SHTN1: variants seen among roughly 807,000 people sequenced by gnomAD.
SHTN1 encodes shootin-1.
Under a neutral mutation model 83.1 loss-of-function variants are expected in SHTN1, and 42 were observed. That is an observed-to-expected ratio of 0.51 (90% CI 0.39 to 0.65). The LOEUF (loss-of-function observed/expected upper bound fraction) is 0.65. Ranked by LOEUF, SHTN1 falls within the 30% of genes least tolerant of loss-of-function variation. The pLI is 0.00. For synonymous variants in SHTN1, 224 were observed against 247.7 expected (o/e 0.90, Z 0.90); for missense variants, 622 against 737.8 (o/e 0.84, Z 1.82).
upstream of SHTN1, among the ~76,000 whole-genome samples, chr10:117,010,444 C>T (rs1852087398): frequency 1.3e-5 from 2 of 151,940 alleles, no homozygotes; most frequent in South Asian, 4.2e-4. Flanking sequence ...AAGAAAGACA[C>T]CCTTCAATGA....
At chr10:116,973,960 T>G in intron 2 of SHTN1, 1 of 1,230,618 alleles carries the variant, frequency 8.1e-7, no homozygotes, top group African/African-American at 1.5e-5. Flanking sequence ...AGAACTGTGC[T>G]TTCTGGATTT....
rs1847061580 is a variant in SHTN1 at position 116,882,964 on chromosome 10, A to G, written c.*3380T>C. Reference sequence around the variant, plus strand: ...TGACTGGGTGTTCACATACCCTTTGAAAAATACACACACACACACACACAC... The same window carrying G: ...TGACTGGGTGTTCACATACCCTTTGGAAAATACACACACACACACACACAC... On this transcript the variant is annotated 3_prime_UTR_variant, in exon 17 of 17. Transcript: ENST00000355371. The G allele has an allele frequency of 6.8e-6, 1 of 147,286 alleles. No individual in the cohort carries two copies. Among genetic ancestry groups the G allele is most frequent in the Non-Finnish European group, 1.5e-5 (1 of 67,568 alleles). 9.1% of individuals were successfully genotyped at this position (147,286 alleles called of 1,614,324 possible). A position where few individuals can be genotyped will look rare whatever the true frequency, so the allele number is the denominator to read the frequency against.
At position 116,929,939 on chromosome 10, in the gene SHTN1, G is replaced by A. The variant is rs778983347; in HGVS notation, c.922C>T (p.Gln308Ter). The A allele has an allele frequency of 6.2e-7, 1 of 1,607,590 alleles. No individual in the cohort carries two copies. Reference protein sequence around the residue: ...TLHKEIHNLKQQLELLEEDKK... With the variant: ...TLHKEIHNLK ...TCTTCCTCTAGAAGCTCCAGTTGCT[G>A]TTTGAGGTTGTGTATTTCTTTGTGG... Residue 308 changes from glutamine to a stop codon, truncating the protein, a stop_gained, in exon 10 of 17, where the codon CAG (glutamine) becomes TAG (stop). Coordinates refer to ENST00000355371, the MANE Select transcript of SHTN1 (RefSeq NM_001127211.3). LOFTEE classifies it high-confidence loss of function.
intron 1 of SHTN1, among the ~76,000 whole-genome samples, chr10:117,068,680 T>A (rs534363776): frequency 4.6e-5 from 7 of 152,226 alleles, no homozygotes; most frequent in Admixed American, 4.6e-4. Flanking sequence ...TTAATGACAT[T>A]AAATAATTAC....
intron 1 of SHTN1, among the ~76,000 whole-genome samples, chr10:117,085,918 A>ATTTTTTTTTTTTTTTTTTTTTTT (rs35586223): frequency 8.3e-6 from 1 of 121,108 alleles, no homozygotes; most frequent in Non-Finnish European, 1.6e-5. Context: ...GCTTTGTCTG[A>ATTTTTTTTTTTTTTTTTTTTTTT]TTTTTTTTTT....
At chr10:116,895,941 TAAC>T (rs1287474207) in intron 16 of SHTN1, among the ~76,000 whole-genome samples, 6 of 152,092 alleles carry the variant, frequency 3.9e-5, no homozygotes, top group South Asian at 2.1e-4. Flanking sequence ...TGAAATACAG[TAAC>T]AACAACACAG....
chr10:116,898,499 G>T (rs1847602267), intron 16 of SHTN1, among the ~76,000 whole-genome samples: 2 of 152,048 alleles, frequency 1.3e-5, no homozygotes, highest in Non-Finnish European at 1.5e-5. Flanking sequence ...TGCCTGGTCA[G>T]CCCTTTACCT....
At chr10:116,990,276 C>CTTTT (rs1158669358) in intron 1 of SHTN1, among the ~76,000 whole-genome samples, 1 of 117,198 alleles carries the variant, frequency 8.5e-6, no homozygotes, top group African/African-American at 3.2e-5. Context: ...TTTTCTTTTT[C>CTTTT]TTTTTTCTTT....
In SHTN1 at chr10:116,900,852, A is replaced by G. The variant is rs890712913; in HGVS notation, c.1673+913T>C. On this transcript the variant is annotated intron_variant, in intron 16 of 16. Transcript: ENST00000355371. Reference sequence around the variant, plus strand: ...ATCAGCAAAGAAGGCCATTCATTCCAGAAGAGAAAAAAAAGTTAATAGTAG... The same window carrying G: ...ATCAGCAAAGAAGGCCATTCATTCCGGAAGAGAAAAAAAAGTTAATAGTAG... The G allele has an allele frequency of 1.9e-5, 19 of 985,294 alleles. No homozygotes were observed. The African/African-American group carries it at 3.1e-4, about 16-fold the overall frequency. 61.0% of individuals were successfully genotyped at this position (985,294 alleles called of 1,614,324 possible).
chr10:116,947,600 C>T (rs1849638416), intron 7 of SHTN1, among the ~76,000 whole-genome samples: 1 of 152,130 alleles, frequency 6.6e-6, no homozygotes, highest in Non-Finnish European at 1.5e-5. Context: ...ACAAAGAACA[C>T]TATGACGATC....
At chr10:116,967,249 G>A (rs1351442657) in intron 3 of SHTN1, among the ~76,000 whole-genome samples, 1 of 152,136 alleles carries the variant, frequency 6.6e-6, no homozygotes, top group Non-Finnish European at 1.5e-5. Context: ...GGTCTGATCA[G>A]CTATGCTGTC....
At chr10:116,938,419 C>A (rs1321643111) in intron 9 of SHTN1, among the ~76,000 whole-genome samples, 1 of 152,194 alleles carries the variant, frequency 6.6e-6, no homozygotes, top group African/African-American at 2.4e-5. Context: ...AGCAGTCAGG[C>A]CCCGCTACTG....
At chr10:117,091,853 G>C (rs1589928965) in intron 1 of SHTN1, among the ~76,000 whole-genome samples, 1 of 152,096 alleles carries the variant, frequency 6.6e-6, no homozygotes, top group Admixed American at 6.5e-5. Flanking sequence ...GCCAGAATGA[G>C]CCTAGTTCCC....
At chr10:116,929,697 T>C (rs775617254) in intron 10 of SHTN1, 152 bp downstream of exon 10, 1 of 478,864 alleles carries the variant, frequency 2.1e-6, no homozygotes, top group South Asian at 5.8e-5. Flanking sequence ...TGAATTGCAA[T>C]GGTTAGAAAT....
chr10:116,926,914 C>T (rs17095434), intron 11 of SHTN1, among the ~76,000 whole-genome samples: 397 of 152,176 alleles, frequency 2.6e-3, no homozygotes, highest in African/African-American at 9.0e-3. Context: ...GTATTGTGCT[C>T]AAGTGATGTA....
chr10:116,977,069 G>A (rs1235728342), intron 2 of SHTN1, among the ~76,000 whole-genome samples: 2 of 152,148 alleles, frequency 1.3e-5, no homozygotes, highest in South Asian at 2.1e-4. Flanking sequence ...CATAACGGAT[G>A]ATTCACTTAA....
chr10:117,014,356 A>G (rs991848590), intron 2 of SHTN1, among the ~76,000 whole-genome samples: 4 of 152,204 alleles, frequency 2.6e-5, no homozygotes, highest in African/African-American at 9.6e-5. Flanking sequence ...AATGACAAAT[A>G]AATCGAACCA....
intron 1 of SHTN1, among the ~76,000 whole-genome samples, chr10:117,089,189 G>A (rs1853392961): frequency 6.6e-6 from 1 of 152,180 alleles, no homozygotes; most frequent in Admixed American, 6.5e-5. Flanking sequence ...ATGGGCACAA[G>A]GGAATTTTGA....
At chr10:117,013,812 C>A (rs567486007) in intron 2 of SHTN1, among the ~76,000 whole-genome samples, 1 of 152,296 alleles carries the variant, frequency 6.6e-6, no homozygotes, top group South Asian at 2.1e-4. Context: ...AACCCATATA[C>A]AAATGTTTAT....
Sources: gnomAD v4.1 joint callset for allele counts (sites outside exome capture counted in the v4.1 genomes callset) on GRCh38, gnomAD v4.1.1 for gene constraint, MANE v1.5 for transcripts, NCBI Gene and HGNC (gene_info 2026-07-23, HGNC 2026-07-21) for gene names.